The following ZNRF3 variants were observed in gnomAD, a reference collection of about 807,000 sequenced individuals.
ZNRF3 encodes the protein E3 ubiquitin-protein ligase ZNRF3.
Under a neutral mutation model 72.5 loss-of-function variants are expected in ZNRF3, and 23 were observed. The ratio of observed to expected loss-of-function variants is 0.32; its 90% CI spans 0.23 to 0.45. The LOEUF (loss-of-function observed/expected upper bound fraction) is 0.45, where lower values mean the gene tolerates loss of function less well. Ranked by LOEUF, ZNRF3 falls within the 20% of genes least tolerant of loss-of-function variation. The probability of loss-of-function intolerance (pLI) is 1.00; values close to 1 mark genes in which losing one functional copy is unlikely to be tolerated. For missense variants in ZNRF3, 1,169 were observed against 1,272.1 expected (o/e 0.92, Z 1.23); for synonymous variants, 610 against 545.3 (o/e 1.12, Z -1.65).
chr22:28,884,060 C>A lies in ZNRF3; in HGVS notation c.294C>A (p.Ile98=). The change falls in exon 1 of 9, where the codon ATC becomes ATA. Residue 98 remains isoleucine (I), a synonymous_variant. Transcript: ENST00000544604. ...AGATLSAEGE[I]VQMHPLGLCN... ...CCACGCTCAGCGCCGAGGGCGAGAT[C>A]GTGCAGGTAGCTGCCCGCCGCCCGG... The A allele has an allele frequency of 1.6e-6, 2 of 1,214,898 alleles. No homozygotes were observed. Among genetic ancestry groups the A allele is most frequent in the South Asian group, 1.5e-5 (1 of 66,876 alleles). The allele number at this position is 1,214,898 out of a possible 1,614,324, so 75.3% of individuals were successfully genotyped here.
At chr22:28,911,753 C>G (rs932323777) in intron 1 of ZNRF3, among the ~76,000 whole-genome samples, 2 of 152,014 alleles carry the variant, frequency 1.3e-5, no homozygotes, top group African/African-American at 4.8e-5. Flanking sequence ...AGTTGCCTTT[C>G]GAGTCCTGCC....
At position 29,057,078 on chromosome 22, in the gene ZNRF3, C is replaced by G. The variant is rs770354213; in HGVS notation, c.*3456C>G. The G allele has an allele frequency of 6.6e-6, 1 of 152,134 alleles. No individual in the cohort carries two copies. The highest frequency in any genetic ancestry group is 1.5e-5 in the Non-Finnish European group (1 of 68,026). 9.4% of individuals were successfully genotyped at this position (152,134 alleles called of 1,614,324 possible). ...AAATTTTTTAATTTTTCCCATAGCA[C>G]TTAAAAGAGATTTTGTAAAGACCTT... On this transcript the variant is annotated 3_prime_UTR_variant, in exon 9 of 9. Transcript: ENST00000544604.
intron 1 of ZNRF3, among the ~76,000 whole-genome samples, chr22:28,937,474 G>A (rs371600593): frequency 1.3e-5 from 2 of 151,878 alleles, no homozygotes; most frequent in African/African-American, 4.8e-5. Flanking sequence ...GACCCCTTTT[G>A]CAAGTTTCAT....
intron 4 of ZNRF3, among the ~76,000 whole-genome samples, chr22:29,043,711 T>C (rs1353631366): frequency 6.6e-6 from 1 of 152,168 alleles, no homozygotes; most frequent in African/African-American, 2.4e-5. Flanking sequence ...TCATCCTTTC[T>C]TTTCCATCCC....
At chr22:28,889,715 GAA>G (rs2033851650) in intron 1 of ZNRF3, among the ~76,000 whole-genome samples, 1 of 152,236 alleles carries the variant, frequency 6.6e-6, no homozygotes, top group African/African-American at 2.4e-5. Context: ...ATCCTTGGGA[GAA>G]GAGAGAATAT....
Position 28,885,438 on chromosome 22 carries a change from A to C in ZNRF3, c.300+1372A>C, listed in dbSNP as rs75064738. Among the ~76,000 whole-genome samples the C allele has an allele frequency of 1.0e-2, 1,517 of 152,142 alleles. 10 individuals carry two copies. The highest frequency in any genetic ancestry group is 0.017 in the Non-Finnish European group (1,163 of 68,032). ...TATGTTAATGCTTTTGGACTTAAAA[A>C]AAGTTGTAATTATGATCTTTATAAG... On this transcript the variant is annotated intron_variant, in intron 1 of 8. Coordinates refer to ENST00000544604, the MANE Select transcript of ZNRF3 (RefSeq NM_001206998.2).
At position 28,957,312 on chromosome 22, in the gene ZNRF3, C is replaced by T. The variant is rs1172619670; in HGVS notation, c.301-29764C>T. Among the ~76,000 whole-genome samples the T allele has an allele frequency of 2.6e-5, 4 of 152,198 alleles. No homozygotes were observed. The East Asian group carries it at 5.8e-4, about 22-fold the overall frequency. ...CCACAGTTGGATCCTTGGCCTCACT[C>T]TTCACTGTGTCACTCACAGCACCTG... On this transcript the variant is annotated intron_variant, in intron 1 of 8. Coordinates refer to ENST00000544604, the MANE Select transcript of ZNRF3 (RefSeq NM_001206998.2).
At chr22:29,034,253 T>TTCAGTAG (rs1371844567) in intron 2 of ZNRF3, among the ~76,000 whole-genome samples, 1 of 152,224 alleles carries the variant, frequency 6.6e-6, no homozygotes, top group Admixed American at 6.5e-5. Context: ...GTTGGCCCTC[T>TTCAGTAG]TCAGTAGTTG....
At chr22:29,006,761 A>C (rs1387700107) in intron 2 of ZNRF3, among the ~76,000 whole-genome samples, 1 of 152,182 alleles carries the variant, frequency 6.6e-6, no homozygotes, top group Non-Finnish European at 1.5e-5. Flanking sequence ...ATGATTCTGG[A>C]AAAGGTTTCT....
intron 1 of ZNRF3, among the ~76,000 whole-genome samples, chr22:28,984,297 A>ACAGT (rs2035816363): frequency 6.6e-6 from 1 of 152,086 alleles, no homozygotes; most frequent in Admixed American, 6.6e-5. Flanking sequence ...TACCCATTGA[A>ACAGT]CAGTCACTCC....
intron 1 of ZNRF3, among the ~76,000 whole-genome samples, chr22:28,934,817 C>CAA (rs1244256699): frequency 3.3e-4 from 19 of 57,052 alleles, no homozygotes; most frequent in South Asian, 6.1e-4. Flanking sequence ...GACTCTGTCT[C>CAA]AAAAAAAAAA....
intron 1 of ZNRF3, among the ~76,000 whole-genome samples, chr22:28,933,636 T>C (rs2034754253): frequency 6.6e-6 from 1 of 152,088 alleles, no homozygotes; most frequent in Admixed American, 6.5e-5. Context: ...TTCTTGATTA[T>C]GTCCAAAGAA....
chr22:28,964,747 T>G (rs892429278), intron 1 of ZNRF3, among the ~76,000 whole-genome samples: 1 of 152,222 alleles, frequency 6.6e-6, no homozygotes, highest in Non-Finnish European at 1.5e-5. Flanking sequence ...TTAGCTACAG[T>G]CTCAAGTGGA....
rs1485619712 is a variant in ZNRF3 at position 28,909,685 on chromosome 22, A to T, written c.300+25619A>T. 3.3e-5 allele frequency among the ~76,000 whole-genome samples: 5 copies of T among 150,720 alleles called. No homozygotes were observed. In the South Asian group the frequency reaches 1.1e-3, roughly 32 times the overall value. On this transcript the variant is annotated intron_variant, in intron 1 of 8. Transcript: ENST00000544604. ...AGCCTCCACCACCCAGGCTCAAGGG[A>T]TCCTCCTGCCTCAGCCTCCTGAGTA...
chr22:28,911,766 T>TA (rs2034323071), intron 1 of ZNRF3, among the ~76,000 whole-genome samples: 1 of 152,118 alleles, frequency 6.6e-6, no homozygotes, highest in Non-Finnish European at 1.5e-5. Flanking sequence ...GTCCTGCCCC[T>TA]AACCCCTCAG....
At chr22:28,920,395 T>C (rs1280212076) in intron 1 of ZNRF3, among the ~76,000 whole-genome samples, 1 of 152,056 alleles carries the variant, frequency 6.6e-6, no homozygotes, top group African/African-American at 2.4e-5. Context: ...CTCAGTCTCC[T>C]GAGTGGCTGG....
At chr22:28,936,762 T>G (rs2034826578) in intron 1 of ZNRF3, among the ~76,000 whole-genome samples, 1 of 152,232 alleles carries the variant, frequency 6.6e-6, no homozygotes, top group Non-Finnish European at 1.5e-5. Context: ...TTCATAGTTT[T>G]GCTAATAGAC....
intron 1 of ZNRF3, among the ~76,000 whole-genome samples, chr22:28,922,788 C>G (rs1467260453): frequency 6.6e-6 from 1 of 152,196 alleles, no homozygotes; most frequent in Admixed American, 6.5e-5. Flanking sequence ...GTGGCATGTT[C>G]CGCCACAGCT....
At chr22:28,901,772 C>G (rs1291254618) in intron 1 of ZNRF3, among the ~76,000 whole-genome samples, 7 of 151,406 alleles carry the variant, frequency 4.6e-5, no homozygotes, top group Non-Finnish European at 5.9e-5. Context: ...TCCTGAGTAG[C>G]CACGATTACA....
Sources: gnomAD v4.1 joint callset for allele counts (sites outside exome capture counted in the v4.1 genomes callset) on GRCh38, gnomAD v4.1.1 for gene constraint, MANE v1.5 for transcripts, NCBI Gene and HGNC (gene_info 2026-07-23, HGNC 2026-07-21) for gene names.